Variants in PCMT1 observed in about 807,000 individuals in gnomAD.
The protein encoded by PCMT1 is protein-L-isoaspartate(D-aspartate) O-methyltransferase.
A neutral mutation model predicts 29.2 loss-of-function variants in PCMT1; 9 were observed. That is an observed-to-expected ratio of 0.31 (90% CI 0.19 to 0.54). PCMT1 has a LOEUF of 0.54. Among genes scored for constraint, PCMT1 ranks in the 20% least tolerant of loss-of-function variants. The pLI is 0.95. For synonymous variants in PCMT1, 98 were observed against 97.5 expected (o/e 1.00, Z -0.03); for missense variants, 184 against 282.2 (o/e 0.65, Z 2.49).
At chr6:149,783,673 G>T (rs555332566) in intron 3 of PCMT1, among the ~76,000 whole-genome samples, 1 of 152,262 alleles carries the variant, frequency 6.6e-6, no homozygotes, top group Non-Finnish European at 1.5e-5. Flanking sequence ...TGCATTATGT[G>T]TGGGACAACT....
chr6:149,798,487 T>C (rs1444020747), intron 6 of PCMT1, among the ~76,000 whole-genome samples: 3 of 152,194 alleles, frequency 2.0e-5, no homozygotes, highest in Non-Finnish European at 2.9e-5. Context: ...GCAAGTATTA[T>C]AGGGGTATGT....
chr6:149,751,347 C>A (rs1429038936), intron 1 of PCMT1, among the ~76,000 whole-genome samples: 1 of 151,894 alleles, frequency 6.6e-6, no homozygotes, highest in Non-Finnish European at 1.5e-5. Context: ...TGAATTTTCT[C>A]TAAGAATTTA....
intron 3 of PCMT1, among the ~76,000 whole-genome samples, chr6:149,785,844 T>C (rs1332228516): frequency 6.6e-6 from 1 of 152,198 alleles, no homozygotes; most frequent in Non-Finnish European, 1.5e-5. Flanking sequence ...GATTTCTCAA[T>C]CTCTTCCCCA....
chr6:149,794,061 T>C (rs1788495668), intron 5 of PCMT1, among the ~76,000 whole-genome samples: 2 of 152,228 alleles, frequency 1.3e-5, no homozygotes, highest in African/African-American at 4.8e-5. Flanking sequence ...GGTACCCTTT[T>C]GATAATAGAA....
intron 3 of PCMT1, among the ~76,000 whole-genome samples, chr6:149,786,664 C>T (rs58048550): frequency 0.4 from 53,963 of 133,428 alleles, 7,449 homozygotes; most frequent in African/African-American, 0.58. Flanking sequence ...AGACGCTCCT[C>T]ACCTCCCAGA....
intron 1 of PCMT1, among the ~76,000 whole-genome samples, chr6:149,766,626 T>C (rs1787097688): frequency 6.6e-6 from 1 of 152,238 alleles, no homozygotes; most frequent in African/African-American, 2.4e-5. Context: ...TGGCTGTTCT[T>C]GCATCACAGT....
At chr6:149,804,055 T>C (rs1279204696) in intron 7 of PCMT1, among the ~76,000 whole-genome samples, 2 of 119,188 alleles carry the variant, frequency 1.7e-5, no homozygotes, top group Non-Finnish European at 3.1e-5. Context: ...CCTTCTAGCC[T>C]GGGTGACAGA....
In PCMT1 at chr6:149,811,317, G is replaced by A. The variant is rs1436381816; in HGVS notation, c.*739G>A. The A allele has an allele frequency of 6.5e-6, 1 of 152,674 alleles. No individual in the cohort carries two copies. Among genetic ancestry groups the A allele is most frequent in the Non-Finnish European group, 1.5e-5 (1 of 68,082 alleles). 9.5% of individuals were successfully genotyped at this position (152,674 alleles called of 1,614,324 possible). ...TGTGGTTTTCTGTTTCTAATTTGCT[G>A]CTGATAATGTATATGAACTTAACAT... On this transcript the variant is annotated 3_prime_UTR_variant, in exon 8 of 8. Coordinates refer to ENST00000464889, the MANE Select transcript of PCMT1 (RefSeq NM_001360452.2).
chr6:149,760,869 AAG>A (rs1370063388), intron 1 of PCMT1, among the ~76,000 whole-genome samples: 4 of 152,042 alleles, frequency 2.6e-5, no homozygotes, highest in Non-Finnish European at 5.9e-5. Flanking sequence ...ACAAAACAAA[AAG>A]AGCATGTTCT....
intron 3 of PCMT1, among the ~76,000 whole-genome samples, chr6:149,787,248 G>C (rs1303484152): frequency 6.7e-6 from 1 of 148,454 alleles, no homozygotes; most frequent in Non-Finnish European, 1.5e-5. Flanking sequence ...GCTTCGGCTC[G>C]GCATCAGAGG....
At position 149,796,583 on chromosome 6, in the gene PCMT1, G is replaced by T. The variant is rs188467043; in HGVS notation, c.504+83G>T. Reference sequence around the variant, plus strand: ...TAAATAGAAAAGACTTCTAGATGATGTTCAAAATATAATTAGACTTTTATA... The same window carrying T: ...TAAATAGAAAAGACTTCTAGATGATTTTCAAAATATAATTAGACTTTTATA... On this transcript the variant is annotated intron_variant, in intron 6 of 7. Transcript: ENST00000464889. 44 of 912,874 alleles carry T rather than the reference G, an allele frequency of 4.8e-5. No individual in the cohort carries two copies. The African/African-American group carries it at 7.1e-4, about 15-fold the overall frequency. 56.5% of individuals were successfully genotyped at this position (912,874 alleles called of 1,614,324 possible).
chr6:149,805,733 C>T (rs866824696), intron 7 of PCMT1, among the ~76,000 whole-genome samples: 6 of 151,628 alleles, frequency 4.0e-5, no homozygotes, highest in Middle Eastern at 3.4e-3. Context: ...GTCAGGAGAT[C>T]GAGACCATCC....
intron 3 of PCMT1, among the ~76,000 whole-genome samples, chr6:149,787,079 C>T (rs1219094001): frequency 1.4e-5 from 2 of 139,032 alleles, no homozygotes; most frequent in Non-Finnish European, 3.0e-5. Flanking sequence ...AGCTGGAGAC[C>T]AGCCCGGCCA....
chr6:149,758,851 A>G (rs930406885), intron 1 of PCMT1, among the ~76,000 whole-genome samples: 1 of 152,168 alleles, frequency 6.6e-6, no homozygotes, highest in Admixed American at 6.6e-5. Context: ...CCATCACATA[A>G]AATTCTTCCT....
At position 149,766,396 on chromosome 6, in the gene PCMT1, T is replaced by TA. The variant is rs538382902; in HGVS notation, c.56-4758dup. Among the ~76,000 whole-genome samples, 225 of 152,204 alleles carry TA rather than the reference T, an allele frequency of 1.5e-3. 1 individual carries two copies. Among genetic ancestry groups the TA allele is most frequent in the African/African-American group, 5.2e-3 (215 of 41,528 alleles). ...GGGTATAAAATCGTTGGCTTACACT[T>TA]AAAAAAAATCAGCTTTATTGAGGTA... On this transcript the variant is annotated intron_variant, in intron 1 of 7. Coordinates refer to ENST00000464889, the MANE Select transcript of PCMT1 (RefSeq NM_001360452.2).
At chr6:149,786,643 CG>C (rs2115299539) in intron 3 of PCMT1, among the ~76,000 whole-genome samples, 1 of 148,284 alleles carries the variant, frequency 6.7e-6, no homozygotes, top group Non-Finnish European at 1.5e-5. Flanking sequence ...GACGGGGTCG[CG>C]GCCGGGCAGA....
intron 1 of PCMT1, among the ~76,000 whole-genome samples, chr6:149,769,770 A>ATTTT (rs34274281): frequency 2.0e-5 from 2 of 99,708 alleles, no homozygotes; most frequent in Admixed American, 1.3e-4. Context: ...AGCTAATTAA[A>ATTTT]TTTTTTTTTT....
At chr6:149,802,902 A>G (rs1222528802) in intron 7 of PCMT1, among the ~76,000 whole-genome samples, 1 of 151,784 alleles carries the variant, frequency 6.6e-6, no homozygotes, top group Non-Finnish European at 1.5e-5. Context: ...AAAAATACAA[A>G]ATCAGCTGGG....
At chr6:149,808,018 A>C (rs1383114756) in intron 7 of PCMT1, among the ~76,000 whole-genome samples, 1 of 152,226 alleles carries the variant, frequency 6.6e-6, no homozygotes, top group Non-Finnish European at 1.5e-5. Context: ...GTACAAAGCA[A>C]ATTGTACAAC....
Sources: allele counts gnomAD v4.1 joint callset (sites outside exome capture counted in the v4.1 genomes callset), GRCh38; gene constraint gnomAD v4.1.1; transcripts MANE v1.5; gene names NCBI Gene and HGNC (gene_info 2026-07-23, HGNC 2026-07-21).